Variants in GRIK2 observed in about 807,000 individuals in gnomAD.
The protein encoded by GRIK2 is glutamate ionotropic receptor kainate type subunit 2, also known as glutamate receptor ionotropic, kainate 2.
A neutral mutation model predicts 100.3 loss-of-function variants in GRIK2; 32 were observed. The observed-to-expected ratio is 0.32, with a 90% CI of 0.24 to 0.43. The LOEUF is 0.43. Ranked by LOEUF, GRIK2 falls within the 20% of genes least tolerant of loss-of-function variation. The pLI is 1.00. For missense variants in GRIK2, 843 were observed against 1,114.9 expected, an observed-to-expected ratio of 0.76 and a Z score of 3.47; for synonymous variants, 417 against 389.4, an observed-to-expected ratio of 1.07 and a Z score of -0.83.
At chr6:101,793,854 G>A (rs1257729582) in intron 7 of GRIK2, among the ~76,000 whole-genome samples, 2 of 152,170 alleles carry the variant, frequency 1.3e-5, no homozygotes, top group African/African-American at 4.8e-5. Context: ...GAGCTGTGGT[G>A]GGCTCCACCC....
At chr6:101,799,546 T>C (rs1479927215) in intron 7 of GRIK2, 102 bp from the exon 8 acceptor site, 4 of 803,126 alleles carry the variant, frequency 5.0e-6, no homozygotes, top group Non-Finnish European at 8.5e-6. Flanking sequence ...AAAAATGGGA[T>C]ATATATTTCC....
At chr6:101,540,894 C>T (rs1271279139) in intron 2 of GRIK2, among the ~76,000 whole-genome samples, 1 of 151,886 alleles carries the variant, frequency 6.6e-6, no homozygotes, top group African/African-American at 2.4e-5. Context: ...TGATACTTTA[C>T]ATGATATATT....
chr6:101,629,146 T>C (rs1278405771), intron 4 of GRIK2, among the ~76,000 whole-genome samples: 1 of 152,134 alleles, frequency 6.6e-6, no homozygotes, highest in Non-Finnish European at 1.5e-5. Context: ...AGTCCTGACC[T>C]CAAATTTATT....
chr6:101,981,138 A>G (rs1172580275), intron 14 of GRIK2, among the ~76,000 whole-genome samples: 1 of 151,870 alleles, frequency 6.6e-6, no homozygotes, highest in Non-Finnish European at 1.5e-5. Context: ...GCCCAGAAGC[A>G]GACCCAAGCA....
chr6:101,726,086 A>G (rs1262373629), intron 7 of GRIK2, among the ~76,000 whole-genome samples: 3 of 151,950 alleles, frequency 2.0e-5, no homozygotes, highest in Non-Finnish European at 2.9e-5. Flanking sequence ...AAGATTAAAA[A>G]CTGCACTTAT....
intron 14 of GRIK2, among the ~76,000 whole-genome samples, chr6:101,979,321 G>A (rs1793579744): frequency 6.6e-6 from 1 of 151,876 alleles, no homozygotes; most frequent in South Asian, 2.1e-4. Flanking sequence ...ATGAACAGAG[G>A]AAAATGGTGT....
At chr6:101,415,354 T>C (rs905786927) in intron 2 of GRIK2, among the ~76,000 whole-genome samples, 3 of 150,762 alleles carry the variant, frequency 2.0e-5, no homozygotes, top group Non-Finnish European at 3.0e-5. Context: ...TCGTCAAGTA[T>C]TTTTCCATAA....
chr6:101,549,764 T>C (rs1288942885), intron 2 of GRIK2, among the ~76,000 whole-genome samples: 1 of 152,122 alleles, frequency 6.6e-6, no homozygotes, highest in East Asian at 1.9e-4. Context: ...TAACACTTGT[T>C]TGAGTGGTCG....
chr6:101,515,145 A>G (rs990077941), intron 2 of GRIK2, among the ~76,000 whole-genome samples: 8 of 152,008 alleles, frequency 5.3e-5, no homozygotes, highest in African/African-American at 1.9e-4. Context: ...AGAACATACA[A>G]TGTTTGGTTT....
chr6:101,526,818 G>A (rs527917426), intron 2 of GRIK2, among the ~76,000 whole-genome samples: 149 of 152,218 alleles, frequency 9.8e-4, no homozygotes, highest in Non-Finnish European at 1.5e-3. Context: ...CATAGAAAGC[G>A]GAATACTCTC....
intron 2 of GRIK2, among the ~76,000 whole-genome samples, chr6:101,494,022 T>A (rs1464789029): frequency 2.2e-5 from 2 of 89,106 alleles, no homozygotes; most frequent in Non-Finnish European, 4.2e-5. Context: ...TATATAAAAA[T>A]TATATATATA....
intron 7 of GRIK2, among the ~76,000 whole-genome samples, chr6:101,755,410 G>A (rs1777076273): frequency 6.6e-6 from 1 of 151,860 alleles, no homozygotes; most frequent in Non-Finnish European, 1.5e-5. Flanking sequence ...CTTGTGATCC[G>A]CCTGCCTCGG....
Position 101,991,763 on chromosome 6 carries a change from G to C in GRIK2, c.2086-43578G>C, listed in dbSNP as rs141084156. On this transcript the variant is annotated intron_variant, in intron 14 of 16. Coordinates refer to ENST00000369134, the MANE Select transcript of GRIK2 (RefSeq NM_021956.5). ...TGCATATATGATTCTGTTGTTGTTGGTAGCAGCATGCAAATTTCTGCATAC... is the reference window on the plus strand; with the variant it reads ...TGCATATATGATTCTGTTGTTGTTGCTAGCAGCATGCAAATTTCTGCATAC... 6.1e-4 allele frequency among the ~76,000 whole-genome samples: 93 copies of C among 151,514 alleles called. 1 individual carries two copies. Among genetic ancestry groups the C allele is most frequent in the African/African-American group, 2.1e-3 (88 of 41,450 alleles).
chr6:101,548,950 G>A (rs979854450), intron 2 of GRIK2, among the ~76,000 whole-genome samples: 3 of 152,108 alleles, frequency 2.0e-5, no homozygotes, highest in Admixed American at 1.3e-4. Context: ...GATAGTCCAT[G>A]TTCCCTTCCT....
intron 2 of GRIK2, among the ~76,000 whole-genome samples, chr6:101,440,846 C>T (rs1393513403): frequency 1.3e-5 from 2 of 151,772 alleles, no homozygotes; most frequent in Non-Finnish European, 2.9e-5. Flanking sequence ...ACCAAAAACT[C>T]CTCAGCCTCC....
chr6:101,608,551 ATTATAT>A (rs770207492), intron 2 of GRIK2, among the ~76,000 whole-genome samples: 52 of 151,944 alleles, frequency 3.4e-4, no homozygotes, highest in Admixed American at 5.9e-4. Context: ...TCTACATATC[ATTATAT>A]TTATATTAAT....
intron 7 of GRIK2, among the ~76,000 whole-genome samples, chr6:101,716,476 G>T (rs1390503805): frequency 6.6e-6 from 1 of 150,910 alleles, no homozygotes; most frequent in Non-Finnish European, 1.5e-5. Context: ...ATACAGAAAA[G>T]TACATGAGTT....
intron 2 of GRIK2, among the ~76,000 whole-genome samples, chr6:101,609,166 C>T (rs1779566773): frequency 6.6e-6 from 1 of 151,676 alleles, no homozygotes; most frequent in Admixed American, 6.6e-5. Flanking sequence ...ATTCGAATTT[C>T]CACAATCAGT....
chr6:101,673,754 A>G (rs1480915635), intron 4 of GRIK2, among the ~76,000 whole-genome samples: 1 of 152,126 alleles, frequency 6.6e-6, no homozygotes, highest in African/African-American at 2.4e-5. Flanking sequence ...CAACCAAAAT[A>G]TTATTTGCCA....
Sources: allele counts gnomAD v4.1 joint callset (sites outside exome capture counted in the v4.1 genomes callset), GRCh38; gene constraint gnomAD v4.1.1; transcripts MANE v1.5; gene names NCBI Gene and HGNC (gene_info 2026-07-23, HGNC 2026-07-21).